Variants in PXDNL observed in about 807,000 individuals in gnomAD.
PXDNL encodes the protein probable oxidoreductase PXDNL.
Under a neutral mutation model 150.8 loss-of-function variants are expected in PXDNL, and 145 were observed. The ratio of observed to expected loss-of-function variants is 0.96; its 90% CI spans 0.84 to 1.10. The LOEUF (loss-of-function observed/expected upper bound fraction) is 1.10, where lower values mean the gene tolerates loss of function less well. Among genes scored for constraint, PXDNL ranks in the 50% least tolerant of loss-of-function variants. The pLI, the probability that PXDNL is intolerant of heterozygous loss-of-function variation, is 0.00. For synonymous variants in PXDNL, 757 were observed against 725.7 expected (o/e 1.04, Z -0.69); for missense variants, 2,087 against 1,873.9 (o/e 1.11, Z -2.10).
At chr8:51,488,602 C>T (rs1215285434) in intron 5 of PXDNL, among the ~76,000 whole-genome samples, 1 of 152,152 alleles carries the variant, frequency 6.6e-6, no homozygotes, top group Non-Finnish European at 1.5e-5. Context: ...AAAAGCCTTC[C>T]TCATTCTGGA....
chr8:51,347,205 C>A (rs1450479228), intron 19 of PXDNL, among the ~76,000 whole-genome samples: 1 of 152,082 alleles, frequency 6.6e-6, no homozygotes, highest in Non-Finnish European at 1.5e-5. Flanking sequence ...GGGCAGCTAG[C>A]AAGTTATTCT....
chr8:51,402,892 C>T (rs1480599465), intron 17 of PXDNL, among the ~76,000 whole-genome samples: 2 of 137,406 alleles, frequency 1.5e-5, no homozygotes, highest in Non-Finnish European at 1.6e-5. Context: ...AAAACCCCGT[C>T]TCTACTAAAA....
intron 21 of PXDNL, among the ~76,000 whole-genome samples, chr8:51,338,621 T>C (rs1805902042): frequency 2.0e-5 from 3 of 152,248 alleles, no homozygotes; most frequent in Non-Finnish European, 4.4e-5. Context: ...GAAAAGCATA[T>C]ACCTCACAGT....
At chr8:51,523,024 C>T (rs904920693) in intron 4 of PXDNL, among the ~76,000 whole-genome samples, 1 of 152,012 alleles carries the variant, frequency 6.6e-6, no homozygotes, top group Non-Finnish European at 1.5e-5. Context: ...TGAAATCAAG[C>T]TTCACCAAAA....
At chr8:51,778,502 AAT>A (rs983683269) in intron 1 of PXDNL, among the ~76,000 whole-genome samples, 2 of 152,168 alleles carry the variant, frequency 1.3e-5, no homozygotes, top group African/African-American at 4.8e-5. Context: ...ATAATTCGCT[AAT>A]AGAGTGGTTA....
At chr8:51,725,979 G>T (rs1016028032) in intron 1 of PXDNL, among the ~76,000 whole-genome samples, 1 of 152,170 alleles carries the variant, frequency 6.6e-6, no homozygotes, top group Non-Finnish European at 1.5e-5. Flanking sequence ...TATTGATGTA[G>T]CCTTGATAAA....
At chr8:51,792,933 C>T (rs759545240) in intron 1 of PXDNL, among the ~76,000 whole-genome samples, 9 of 152,196 alleles carry the variant, frequency 5.9e-5, no homozygotes, top group South Asian at 4.1e-4. Flanking sequence ...GCAGTCTGGA[C>T]AAATGGGATG....
intron 2 of PXDNL, among the ~76,000 whole-genome samples, chr8:51,636,500 G>T (rs1814605447): frequency 6.6e-6 from 1 of 152,092 alleles, no homozygotes; most frequent in African/African-American, 2.4e-5. Flanking sequence ...TATCACACTT[G>T]CAGGTACAAA....
chr8:51,607,651 G>T (rs1238992479), intron 2 of PXDNL, among the ~76,000 whole-genome samples: 1 of 149,202 alleles, frequency 6.7e-6, no homozygotes, highest in African/African-American at 2.6e-5. Context: ...GACAAGCCTG[G>T]CCAACATGGC....
intron 7 of PXDNL, among the ~76,000 whole-genome samples, chr8:51,472,936 G>A (rs1810381202): frequency 6.6e-6 from 1 of 152,068 alleles, no homozygotes; most frequent in Admixed American, 6.5e-5. Context: ...GTTTTCTATA[G>A]TTTCACCTAA....
At chr8:51,748,555 A>C (rs944355695) in intron 1 of PXDNL, among the ~76,000 whole-genome samples, 1 of 152,184 alleles carries the variant, frequency 6.6e-6, no homozygotes, top group Non-Finnish European at 1.5e-5. Context: ...TGCCTGGGCC[A>C]AGGTTCACTG....
chr8:51,660,871 G>C (rs1815256505), intron 1 of PXDNL, among the ~76,000 whole-genome samples: 1 of 152,084 alleles, frequency 6.6e-6, no homozygotes, highest in Admixed American at 6.5e-5. Flanking sequence ...ACTCCCTGTA[G>C]CCAGGCCGTC....
At chr8:51,546,483 C>A (rs1216712339) in intron 4 of PXDNL, among the ~76,000 whole-genome samples, 1 of 152,144 alleles carries the variant, frequency 6.6e-6, no homozygotes, top group Non-Finnish European at 1.5e-5. Flanking sequence ...TCCAGGGAAG[C>A]CATTCCTAGC....
intron 1 of PXDNL, among the ~76,000 whole-genome samples, chr8:51,660,781 G>C (rs1489787867): frequency 6.6e-6 from 1 of 152,128 alleles, no homozygotes; most frequent in African/African-American, 2.4e-5. Flanking sequence ...AAGCTGGGCT[G>C]TTATTTTATT....
intron 2 of PXDNL, among the ~76,000 whole-genome samples, chr8:51,619,807 C>T (rs930992363): frequency 1.4e-5 from 2 of 145,400 alleles, no homozygotes; most frequent in Admixed American, 6.7e-5. Context: ...AGTGCAAGAA[C>T]AAACTAATAC....
intron 1 of PXDNL, among the ~76,000 whole-genome samples, chr8:51,680,680 G>A (rs538028466): frequency 6.6e-6 from 1 of 152,206 alleles, no homozygotes; most frequent in South Asian, 2.1e-4. Context: ...CAGTGACCAT[G>A]GGTGCCCTGC....
intron 19 of PXDNL, among the ~76,000 whole-genome samples, chr8:51,363,509 A>G (rs532560650): frequency 5.3e-5 from 8 of 152,218 alleles, no homozygotes; most frequent in African/African-American, 1.9e-4. Context: ...CAGGGGGTAC[A>G]TGACTGGGGG....
chr8:51,360,038 A>G (rs1312670497), intron 19 of PXDNL, among the ~76,000 whole-genome samples: 3 of 150,234 alleles, frequency 2.0e-5, no homozygotes, highest in Admixed American at 2.0e-4. Context: ...GGAAAAGAGA[A>G]AAGCAAAAAA....
intron 2 of PXDNL, among the ~76,000 whole-genome samples, chr8:51,637,884 C>G (rs1433346006): frequency 6.6e-6 from 1 of 152,058 alleles, no homozygotes. Flanking sequence ...AGAGCAACTC[C>G]AAGACATATA....
Sources: allele counts gnomAD v4.1 joint callset (sites outside exome capture counted in the v4.1 genomes callset), GRCh38; gene constraint gnomAD v4.1.1; transcripts MANE v1.5; gene names NCBI Gene and HGNC (gene_info 2026-07-23, HGNC 2026-07-21).